The following CD163 variants were observed in gnomAD, a reference collection of about 807,000 sequenced individuals.
The protein encoded by CD163 is scavenger receptor cysteine-rich type 1 protein M130.
CD163 carries 64 observed loss-of-function variants against 129.2 expected under a neutral mutation model. The ratio of observed to expected loss-of-function variants is 0.50; its 90% confidence interval spans 0.41 to 0.61. The LOEUF (loss-of-function observed/expected upper bound fraction) is 0.61. CD163 is among the 20% of genes least tolerant of loss of function. The pLI, the probability that CD163 is intolerant of heterozygous loss-of-function variation, is 0.00. For missense variants in CD163, 1,061 were observed against 1,377.9 expected (o/e 0.77, Z 3.64); for synonymous variants, 446 against 478.5 (o/e 0.93, Z 0.89).
At chr12:7,500,886 C>T (rs1273948610) in intron 3 of CD163, among the ~76,000 whole-genome samples, 1 of 152,112 alleles carries the variant, frequency 6.6e-6, no homozygotes, top group Non-Finnish European at 1.5e-5. Flanking sequence ...TAAACCACCA[C>T]TTCTTGGCTT....
intron 14 of CD163, among the ~76,000 whole-genome samples, chr12:7,481,661 C>T (rs1231262177): frequency 6.6e-6 from 1 of 152,172 alleles, no homozygotes; most frequent in South Asian, 2.1e-4. Context: ...TTCAATCCTC[C>T]TAGATCCCGT....
At chr12:7,475,035 G>C (rs141949383) in intron 16 of CD163, among the ~76,000 whole-genome samples, 1 of 125,116 alleles carries the variant, frequency 8.0e-6, no homozygotes, top group Admixed American at 1.0e-4. Context: ...GGAAGAAGTC[G>C]AATTTCTGAC....
At chr12:7,484,204 T>G (rs1271354461) in intron 11 of CD163, among the ~76,000 whole-genome samples, 2 of 152,136 alleles carry the variant, frequency 1.3e-5, no homozygotes, top group Non-Finnish European at 2.9e-5. Flanking sequence ...ACTAGGTATA[T>G]TCCATCCTGC....
chr12:7,495,146 C>G lies in CD163; in HGVS notation c.1355G>C (p.Cys452Ser). Residue 452 changes from cysteine to serine, a missense_variant, in exon 6 of 17, where the codon TGC (cysteine) becomes TCC (serine). Transcript: ENST00000432237. ...AAGTCCACCCCATTGCCAGTTCTTG[C>G]AGTCCCAAAGAGAAGTTTCATTTCC... is the stretch of plus-strand genomic sequence containing the variant. ...CNGNETSLWDCKNWQWGGLTC... is the reference protein window; with the variant it reads ...CNGNETSLWDSKNWQWGGLTC... 1 of 1,614,158 alleles carries G rather than the reference C, an allele frequency of 6.2e-7. No individual in the cohort carries two copies.
At chr12:7,480,869 T>G in intron 15 of CD163, 1 of 1,034,534 alleles carries the variant, frequency 9.7e-7, no homozygotes, top group Non-Finnish European at 1.2e-6. Context: ...TTTTGTAAGA[T>G]TAATTTCTGT....
In CD163 at chr12:7,496,882, G is replaced by T; in HGVS notation, c.1030C>A (p.Gln344Lys). 5.0e-6 allele frequency: 8 copies of T among 1,613,944 alleles called. No individual in the cohort carries two copies. Among genetic ancestry groups the T allele is most frequent in the Non-Finnish European group, 6.8e-6 (8 of 1,179,906 alleles). The change falls in exon 5 of 17, where the codon CAA becomes AAA. Residue 344 changes from glutamine (Q) to lysine (K), a missense_variant. Gln to Lys is a moderately conservative substitution (Grantham distance 53). Coordinates refer to ENST00000432237, the MANE Select transcript of CD163 (RefSeq NM_203416.4). The surrounding 1 kb of genome is among the most constrained non-coding windows in gnomAD (Gnocchi z 4.8). ...SCQGHEPAIW[Q>K]CKHHEWGKHY... Reference sequence around the variant, plus strand: ...TTTCCCCATTCATGGTGTTTACATTGCCAGATAGCAGGTTCATGTCCCTGG... The same window carrying T: ...TTTCCCCATTCATGGTGTTTACATTTCCAGATAGCAGGTTCATGTCCCTGG...
rs751385657 is a variant in CD163, at chr12:7,485,202, G to T, written c.2673C>A (p.Asp891Glu). ...DKAMSIPMWV[D>E]NVQCPKGPDT... ...CAGGTCCTTTTGGACACTGAACATT[G>T]TCCACCCACATGGGAATGGACATGG... Residue 891 changes from aspartate (D) to glutamate (E), a missense_variant, in exon 11 of 17, where the codon GAC (aspartate) becomes GAA (glutamate). Physicochemically the swap from Asp to Glu is conservative, Grantham distance 45 (BLOSUM62 2). Coordinates refer to ENST00000432237, the MANE Select transcript of CD163 (RefSeq NM_203416.4). The surrounding 1 kb of genome is among the most constrained non-coding windows in gnomAD (Gnocchi z 4.5). The T allele has an allele frequency of 1.2e-6, 2 of 1,614,180 alleles. No homozygotes were observed. The highest frequency in any genetic ancestry group is 1.1e-5 in the South Asian group (1 of 91,084).
At chr12:7,497,273 T>C in intron 4 of CD163, 140 bp from the exon 5 acceptor site, 1 of 675,676 alleles carries the variant, frequency 1.5e-6, no homozygotes, top group Non-Finnish European at 2.5e-6. Flanking sequence ...GTACTACCAC[T>C]GGAAATCATT....
chr12:7,484,297 T>C (rs1330675838), intron 11 of CD163, among the ~76,000 whole-genome samples: 1 of 152,112 alleles, frequency 6.6e-6, no homozygotes, highest in African/African-American at 2.4e-5. Context: ...TTCTTTCAAA[T>C]AGGCAAGATC....
At chr12:7,489,547 T>C (rs1014874795) in intron 6 of CD163, among the ~76,000 whole-genome samples, 4 of 152,218 alleles carry the variant, frequency 2.6e-5, no homozygotes, top group Non-Finnish European at 5.9e-5. Context: ...TAACAACCTG[T>C]AATGTTCTCT....
intron 3 of CD163, 111 bp downstream of exon 3, chr12:7,501,028 C>T (rs747792114): frequency 8.8e-5 from 76 of 864,978 alleles, no homozygotes; most frequent in Non-Finnish European, 1.3e-4. Flanking sequence ...TACTTTTATA[C>T]ATGAACTAGA....
chr12:7,480,189 T>A (rs1668208437), intron 15 of CD163: 1 of 476,460 alleles, frequency 2.1e-6, no homozygotes, highest in Non-Finnish European at 3.6e-6. Context: ...CTTAAATATG[T>A]TCCCTGACAC....
chr12:7,475,159 A>G (rs1304439959), intron 16 of CD163, among the ~76,000 whole-genome samples: 1 of 150,950 alleles, frequency 6.6e-6, no homozygotes, highest in Non-Finnish European at 1.5e-5. Flanking sequence ...TACCAGAGGT[A>G]CAAAGAAGAG....
At chr12:7,503,220 C>T (rs892170693) in intron 1 of CD163, among the ~76,000 whole-genome samples, 3 of 152,072 alleles carry the variant, frequency 2.0e-5, no homozygotes, top group Admixed American at 6.6e-5. Context: ...TACTCTAACC[C>T]AACACTAATT....
In CD163 at chr12:7,487,489, T is replaced by C. The variant is rs1043691716; in HGVS notation, c.1920A>G (p.Lys640=). ...TATGCCTCCAGATCTGACCATTTCCTTTTCCAAAACGTGCTCCTCCTGGGG... is the reference window on the plus strand; with the variant it reads ...TATGCCTCCAGATCTGACCATTTCCCTTTCCAAAACGTGCTCCTCCTGGGG... ...LSTPGGARFG[K]GNGQIWRHMF... is the part of the protein sequence containing the mutation. The change falls in exon 8 of 17, where the codon AAA becomes AAG. Residue 640 remains lysine (K), a synonymous_variant. Coordinates refer to ENST00000432237, the MANE Select transcript of CD163 (RefSeq NM_203416.4). This position sits in a 1 kb window ranked among gnomAD's most constrained non-coding sequence, Gnocchi z 5.1. The C allele has an allele frequency of 8.1e-6, 13 of 1,613,916 alleles. No individual in the cohort carries two copies. The highest frequency in any genetic ancestry group is 1.7e-5 in the Admixed American group (1 of 59,982).
chr12:7,502,326 T>C, intron 2 of CD163, 152 bp downstream of exon 2: 1 of 699,466 alleles, frequency 1.4e-6, no homozygotes, highest in South Asian at 1.6e-5. Flanking sequence ...TAGATTTTTA[T>C]TGTGTGCTTT....
chr12:7,490,562 T>C lies in CD163; in HGVS notation c.1421-2475A>G, dbSNP rs771013018. ...CTGAAGGTCTTAAGTCCTTTATAGA[T>C]ACCTGCTATCAAATATCAACAATTT... On this transcript the variant is annotated intron_variant, in intron 6 of 16. Coordinates refer to ENST00000432237, the MANE Select transcript of CD163 (RefSeq NM_203416.4). 1.1e-4 allele frequency among the ~76,000 whole-genome samples: 16 copies of C among 152,144 alleles called. No homozygotes were observed. The South Asian group carries it at 3.1e-3, about 30-fold the overall frequency.
In CD163 at chr12:7,483,691, C is replaced by G. The variant is rs1949196175; in HGVS notation, c.2780-16G>C. The G allele has an allele frequency of 6.3e-7, 1 of 1,577,190 alleles. No homozygotes were observed. Among genetic ancestry groups the G allele is most frequent in the Non-Finnish European group, 8.6e-7 (1 of 1,158,720 alleles). ...CTTATCTTGTCTGAAAAATCAGAGA[C>G]ATGTAGCCTATTTCTAAGACTTCTA... On this transcript the variant is annotated splice_polypyrimidine_tract_variant and intron_variant, in intron 11 of 16. Transcript: ENST00000432237.
rs751683316 is a variant in CD163, at chr12:7,490,719, G to A, written c.1421-2632C>T. Among the ~76,000 whole-genome samples, 388 of 151,784 alleles carry A rather than the reference G, an allele frequency of 2.6e-3. 3 individuals are homozygous for A. The highest frequency in any genetic ancestry group is 9.1e-3 in the African/African-American group (376 of 41,440). On this transcript the variant is annotated intron_variant, in intron 6 of 16. Coordinates refer to ENST00000432237, the MANE Select transcript of CD163 (RefSeq NM_203416.4). ...ACAAAAATGTCTTAGAAAATGTTTC[G>A]AATATGACCATGTTCTGTACTACAG...
Sources: gnomAD v4.1 joint callset for allele counts (sites outside exome capture counted in the v4.1 genomes callset) on GRCh38, gnomAD v4.1.1 for gene constraint, Gnocchi (gnomAD v3.1) non-coding constraint, MANE v1.5 for transcripts, NCBI Gene and HGNC (gene_info 2026-07-23, HGNC 2026-07-21) for gene names.